ASPH: variants seen among roughly 807,000 people sequenced by gnomAD.
ASPH encodes aspartyl/asparaginyl beta-hydroxylase.
Under a neutral mutation model 118.4 loss-of-function variants are expected in ASPH, and 100 were observed. That is an observed-to-expected ratio of 0.84 (90% CI 0.72 to 1.00). ASPH has a LOEUF of 1.00. Among genes scored for constraint, ASPH ranks in the 50% least tolerant of loss-of-function variants. ASPH has a pLI of 0.00. For missense variants in ASPH, 920 were observed against 919.5 expected (o/e 1.00, Z -0.01); for synonymous variants, 315 against 325.6 (o/e 0.97, Z 0.35).
rs138414991 is a variant in ASPH, at chr8:61,694,585, G to A, written c.104-10397C>T. Reference sequence around the variant, plus strand: ...TCCTTCTTCCACACTCTCTTCCCTCGACTCTCATGACTTCAGAATCTTGTG... The same window carrying A: ...TCCTTCTTCCACACTCTCTTCCCTCAACTCTCATGACTTCAGAATCTTGTG... On this transcript the variant is annotated intron_variant, in intron 1 of 24. Coordinates refer to ENST00000379454, the MANE Select transcript of ASPH (RefSeq NM_004318.4). 1.6e-3 allele frequency among the ~76,000 whole-genome samples: 245 copies of A among 152,090 alleles called. 1 individual carries two copies. The highest frequency in any genetic ancestry group is 5.2e-3 in the African/African-American group (215 of 41,462).
At position 61,500,943 on chromosome 8, in the gene ASPH, A is replaced by ATCATC. The variant is rs1211847307; in HGVS notation, c.*2411_*2415dup. On this transcript the variant is annotated 3_prime_UTR_variant, in exon 25 of 25. Transcript: ENST00000379454. ...ATTACTAATCTTAATTATTTATTAC[A>ATCATC]TCATCTCTTTCTCAATGGATCTAAT... 1.3e-5 allele frequency: 2 copies of ATCATC among 152,294 alleles called. No homozygotes were observed. Among genetic ancestry groups the ATCATC allele is most frequent in the Non-Finnish European group, 2.9e-5 (2 of 68,012 alleles). 9.4% of individuals were successfully genotyped at this position (152,294 alleles called of 1,614,324 possible).
intron 15 of ASPH, chr8:61,578,750 C>A: frequency 1.2e-6 from 2 of 1,600,166 alleles, no homozygotes; most frequent in Non-Finnish European, 1.7e-6. Context: ...ACTTCAAGAA[C>A]AAGTATGAGG....
chr8:61,580,872 C>T (rs1376777432), intron 15 of ASPH, among the ~76,000 whole-genome samples: 1 of 152,200 alleles, frequency 6.6e-6, no homozygotes, highest in Non-Finnish European at 1.5e-5. Flanking sequence ...CTGCAAAGAT[C>T]CTTTTCCCAA....
intron 21 of ASPH, among the ~76,000 whole-genome samples, chr8:61,537,285 C>A (rs1172280240): frequency 1.3e-5 from 2 of 152,326 alleles, no homozygotes; most frequent in East Asian, 1.9e-4. Flanking sequence ...AGTCACTAAT[C>A]TCAGGCAGCT....
chr8:61,643,444 A>G lies in ASPH; in HGVS notation c.710-11T>C. On this transcript the variant is annotated splice_polypyrimidine_tract_variant and intron_variant, in intron 8 of 24. Transcript: ENST00000379454. ...CTGGTTCACTGGAATCTAAAAAACA[A>G]AAACACACCTTTGCCAAACAGGAAA... 6.2e-7 allele frequency: 1 copy of G among 1,602,094 alleles called. No homozygotes were observed. The highest frequency in any genetic ancestry group is 8.5e-7 in the Non-Finnish European group (1 of 1,179,416).
intron 1 of ASPH, among the ~76,000 whole-genome samples, chr8:61,706,043 T>C (rs928203677): frequency 6.6e-6 from 1 of 152,156 alleles, no homozygotes; most frequent in Admixed American, 6.5e-5. Flanking sequence ...AAAATGTTTT[T>C]TAAAATACAA....
At chr8:61,526,653 A>G (rs994648512) in intron 21 of ASPH, among the ~76,000 whole-genome samples, 2 of 152,218 alleles carry the variant, frequency 1.3e-5, no homozygotes, top group Admixed American at 1.3e-4. Flanking sequence ...AAATAAATGC[A>G]CTAGTGTTTA....
chr8:61,636,593 A>G (rs1396351255), intron 12 of ASPH, among the ~76,000 whole-genome samples: 13 of 152,212 alleles, frequency 8.5e-5, no homozygotes, highest in Non-Finnish European at 1.6e-4. Context: ...ACTGCCCAGG[A>G]CAGGAAACTC....
chr8:61,665,694 T>C (rs1819226308), intron 3 of ASPH: 1 of 1,357,406 alleles, frequency 7.4e-7, no homozygotes, highest in Non-Finnish European at 9.9e-7. Flanking sequence ...GGTATTCTCT[T>C]TTTATCTCTC....
chr8:61,709,438 G>A (rs1229618751), intron 1 of ASPH, among the ~76,000 whole-genome samples: 1 of 152,034 alleles, frequency 6.6e-6, no homozygotes, highest in Non-Finnish European at 1.5e-5. Context: ...AATAAAAATG[G>A]CCAGAGCTGC....
chr8:61,587,408 T>C (rs1365352733), intron 14 of ASPH, among the ~76,000 whole-genome samples: 1 of 152,220 alleles, frequency 6.6e-6, no homozygotes, highest in Non-Finnish European at 1.5e-5. Flanking sequence ...TAGAAGTGTC[T>C]ATCAACAGAA....
At chr8:61,683,019 T>C (rs908079982) in intron 2 of ASPH, among the ~76,000 whole-genome samples, 1 of 152,138 alleles carries the variant, frequency 6.6e-6, no homozygotes, top group African/African-American at 2.4e-5. Flanking sequence ...TGATGGAATA[T>C]TATGCAGCCA....
At chr8:61,670,464 T>C (rs528828828) in intron 3 of ASPH, among the ~76,000 whole-genome samples, 18 of 151,860 alleles carry the variant, frequency 1.2e-4, no homozygotes, top group African/African-American at 4.1e-4. Flanking sequence ...GCCACAGTGA[T>C]GAGAAAACAT....
rs1455216020 is a variant in ASPH at position 61,524,666 on chromosome 8, A to G, written c.1900+1311T>C. Among the ~76,000 whole-genome samples the G allele has an allele frequency of 2.0e-5, 3 of 152,238 alleles. No homozygotes were observed. The East Asian group carries it at 5.8e-4, about 29-fold the overall frequency. ...TAGAAGACAAAATGTTACCTCCAACAACATTATTGACTCCATAATTTATTT... is the reference window on the plus strand; with the variant it reads ...TAGAAGACAAAATGTTACCTCCAACGACATTATTGACTCCATAATTTATTT... On this transcript the variant is annotated intron_variant, in intron 22 of 24. Coordinates refer to ENST00000379454, the MANE Select transcript of ASPH (RefSeq NM_004318.4).
At chr8:61,686,892 T>C (rs201683787) in intron 1 of ASPH, among the ~76,000 whole-genome samples, 6 of 152,296 alleles carry the variant, frequency 3.9e-5, no homozygotes, top group South Asian at 2.1e-4. Context: ...TAAACAAATA[T>C]AGTTCATCTT....
intron 3 of ASPH, chr8:61,675,876 T>C (rs1038084117): frequency 1.4e-5 from 20 of 1,381,950 alleles, no homozygotes; most frequent in African/African-American, 2.9e-5. Context: ...AGTACCATTT[T>C]CTTCAATAGA....
intron 3 of ASPH, among the ~76,000 whole-genome samples, chr8:61,670,321 G>A (rs1821812581): frequency 6.6e-6 from 1 of 151,094 alleles, no homozygotes; most frequent in South Asian, 2.1e-4. Flanking sequence ...TTTTTAAAGT[G>A]AAATGATCAG....
intron 14 of ASPH, among the ~76,000 whole-genome samples, chr8:61,589,732 C>T (rs1010914551): frequency 6.6e-6 from 1 of 152,114 alleles, no homozygotes; most frequent in Non-Finnish European, 1.5e-5. Flanking sequence ...TTTATTCACT[C>T]AAGAATTTGT....
At chr8:61,541,155 AT>A (rs1195288541) in intron 21 of ASPH, among the ~76,000 whole-genome samples, 3 of 152,182 alleles carry the variant, frequency 2.0e-5, no homozygotes. Context: ...AAAAGATAGA[AT>A]TTATTTATTC....
Sources: allele counts gnomAD v4.1 joint callset (sites outside exome capture counted in the v4.1 genomes callset), GRCh38; gene constraint gnomAD v4.1.1; transcripts MANE v1.5; gene names NCBI Gene and HGNC (gene_info 2026-07-23, HGNC 2026-07-21).